Variants in TSPAN11 observed in about 807,000 individuals in gnomAD.
The protein encoded by TSPAN11 is tetraspanin 11.
In TSPAN11, 29 loss-of-function variants were observed where a neutral mutation model predicts 32.9. That is an observed-to-expected ratio of 0.88 (90% CI 0.66 to 1.20). TSPAN11 has a LOEUF of 1.20. Ranked by LOEUF, TSPAN11 falls within the 50% of genes most tolerant of loss-of-function variation. The probability of loss-of-function intolerance (pLI) is 0.00; values close to 1 mark genes in which losing one functional copy is unlikely to be tolerated. For missense variants in TSPAN11, 283 were observed against 329.1 expected, an observed-to-expected ratio of 0.86 and a Z score of 1.08; for synonymous variants, 140 against 141.3, an observed-to-expected ratio of 0.99 and a Z score of 0.07.
At chr12:30,959,818 A>C (rs1463149117) in intron 2 of TSPAN11, among the ~76,000 whole-genome samples, 1 of 149,568 alleles carries the variant, frequency 6.7e-6, no homozygotes, top group Non-Finnish European at 1.5e-5. Flanking sequence ...TGGGGGGAAG[A>C]AAGTACCAGA....
intron 3 of TSPAN11, among the ~76,000 whole-genome samples, chr12:30,970,630 T>G (rs905470847): frequency 2.6e-5 from 4 of 152,104 alleles, no homozygotes; most frequent in African/African-American, 9.7e-5. Context: ...CAAGTCAGTA[T>G]CAGACATTGG....
chr12:30,984,760 G>C (rs1473013581), intron 7 of TSPAN11, among the ~76,000 whole-genome samples: 1 of 151,886 alleles, frequency 6.6e-6, no homozygotes, highest in African/African-American at 2.4e-5. Flanking sequence ...GTTTCACCAT[G>C]TTGTCCAGGC....
chr12:30,964,657 T>TA (rs975267886), intron 3 of TSPAN11, among the ~76,000 whole-genome samples: 1 of 152,196 alleles, frequency 6.6e-6, no homozygotes, highest in African/African-American at 2.4e-5. Context: ...TGTCATCTGT[T>TA]AGAGTTTCAG....
intron 1 of TSPAN11, among the ~76,000 whole-genome samples, chr12:30,951,291 G>A (rs1938376281): frequency 6.6e-6 from 1 of 152,220 alleles, no homozygotes; most frequent in Admixed American, 6.5e-5. Flanking sequence ...ACAGGAGGCT[G>A]GGAAATGTTG....
intron 2 of TSPAN11, among the ~76,000 whole-genome samples, chr12:30,959,948 C>T (rs1267413372): frequency 1.3e-5 from 2 of 149,584 alleles, no homozygotes; most frequent in Non-Finnish European, 2.9e-5. Flanking sequence ...GCCGGGGGTG[C>T]CTTGGGGGAT....
At chr12:30,970,227 G>A (rs912547188) in intron 3 of TSPAN11, among the ~76,000 whole-genome samples, 9 of 152,186 alleles carry the variant, frequency 5.9e-5, no homozygotes, top group African/African-American at 2.2e-4. Context: ...TCTCCCTGTT[G>A]GGGGTCTGGC....
At position 30,992,171 on chromosome 12, in the gene TSPAN11, C is replaced by A; in HGVS notation, c.*256C>A. ...GCAGGGAAATGATCCTTTCAGGAGA[C>A]AACCAGAGCCCCTCACCAGGAACGG... On this transcript the variant is annotated 3_prime_UTR_variant, in exon 8 of 8. Transcript: ENST00000546076. 1.8e-6 allele frequency: 1 copy of A among 558,092 alleles called. No homozygotes were observed. The highest frequency in any genetic ancestry group is 3.2e-6 in the Non-Finnish European group (1 of 311,576). 34.6% of individuals were successfully genotyped at this position (558,092 alleles called of 1,614,324 possible). A position where few individuals can be genotyped will look rare whatever the true frequency, so the allele number is the denominator to read the frequency against.
chr12:30,984,495 G>A (rs1472411993), intron 7 of TSPAN11, among the ~76,000 whole-genome samples: 1 of 150,664 alleles, frequency 6.6e-6, no homozygotes, highest in Non-Finnish European at 1.5e-5. Flanking sequence ...CTCTCATTGG[G>A]TCCACACAAC....
chr12:30,997,016 G>A (rs1939428000), downstream of TSPAN11: 1 of 152,178 alleles, frequency 6.6e-6, no homozygotes, highest in Non-Finnish European at 1.5e-5. Context: ...CAGATGCAGA[G>A]TGTGGCGAAA....
At chr12:31,009,415 C>G in the TSPAN11 span, among the ~76,000 whole-genome samples, 1 of 152,336 alleles carries the variant, frequency 6.6e-6, no homozygotes, top group East Asian at 1.9e-4. Context: ...CTACAAATGG[C>G]TGCATGAGGG....
the TSPAN11 span, among the ~76,000 whole-genome samples, chr12:31,011,196 C>A: frequency 1.3e-5 from 2 of 152,166 alleles, no homozygotes; most frequent in African/African-American, 4.8e-5. Flanking sequence ...GAGTTTGAGA[C>A]CAACCTGGCC....
chr12:30,957,283 T>G (rs2140286996), intron 2 of TSPAN11, among the ~76,000 whole-genome samples: 1 of 138,188 alleles, frequency 7.2e-6, no homozygotes, highest in Non-Finnish European at 1.5e-5. Flanking sequence ...CAGGATCTGC[T>G]GGGAGACAGG....
At chr12:30,950,217 T>A (rs1056564633) in intron 1 of TSPAN11, among the ~76,000 whole-genome samples, 3 of 151,934 alleles carry the variant, frequency 2.0e-5, no homozygotes, top group African/African-American at 7.3e-5. Context: ...CTTGACCCCC[T>A]ACATACCCTT....
intron 7 of TSPAN11, among the ~76,000 whole-genome samples, chr12:30,989,084 G>A (rs1477821140): frequency 1.3e-5 from 2 of 152,240 alleles, no homozygotes; most frequent in Non-Finnish European, 2.9e-5. Flanking sequence ...GCTGCTGTGT[G>A]CCAGGTGCTG....
intron 3 of TSPAN11, among the ~76,000 whole-genome samples, chr12:30,967,550 C>T (rs150507820): frequency 5.8e-4 from 88 of 152,332 alleles, no homozygotes; most frequent in African/African-American, 1.9e-3. Flanking sequence ...GACTTGCCTG[C>T]GTTCACTCCC....
chr12:30,967,347 A>G (rs1410389542), intron 3 of TSPAN11, among the ~76,000 whole-genome samples: 1 of 152,170 alleles, frequency 6.6e-6, no homozygotes, highest in Non-Finnish European at 1.5e-5. Context: ...AGAGTCAGTG[A>G]AGGTCAGGGC....
intron 1 of TSPAN11, among the ~76,000 whole-genome samples, chr12:30,936,211 C>G (rs1426190176): frequency 6.8e-6 from 1 of 146,534 alleles, no homozygotes; most frequent in Admixed American, 6.6e-5. Context: ...CCTTCAAAAC[C>G]CTTGCCCACA....
At chr12:30,929,715 C>T (rs1436918938) in intron 1 of TSPAN11, among the ~76,000 whole-genome samples, 2 of 152,170 alleles carry the variant, frequency 1.3e-5, no homozygotes, top group African/African-American at 2.4e-5. Context: ...TGAGCGTAGA[C>T]GACAGCCACG....
At chr12:30,978,802 G>T in intron 4 of TSPAN11, 167 bp downstream of exon 4, 2 of 638,824 alleles carry the variant, frequency 3.1e-6, no homozygotes, top group Non-Finnish European at 5.6e-6. Context: ...TGCTGGTCCT[G>T]GCTCCAGCAA....
Sources: allele counts gnomAD v4.1 joint callset (sites outside exome capture counted in the v4.1 genomes callset), GRCh38; gene constraint gnomAD v4.1.1; transcripts MANE v1.5; gene names NCBI Gene and HGNC (gene_info 2026-07-23, HGNC 2026-07-21).